ANKRD11: variants seen among roughly 807,000 people sequenced by gnomAD.
ANKRD11 encodes ankyrin repeat domain 11.
Under a neutral mutation model 195.7 loss-of-function variants are expected in ANKRD11, and 17 were observed. The ratio of observed to expected loss-of-function variants is 0.09; its 90% CI spans 0.06 to 0.13. The LOEUF is 0.13. Ranked by LOEUF, ANKRD11 falls within the 10% of genes least tolerant of loss-of-function variation. The probability of loss-of-function intolerance (pLI) is 1.00; values close to 1 mark genes in which losing one functional copy is unlikely to be tolerated. For synonymous variants in ANKRD11, 1,953 were observed against 1,528.1 expected (o/e 1.28, Z -6.49); for missense variants, 3,735 against 3,566.1 (o/e 1.05, Z -1.21).
intron 3 of ANKRD11, among the ~76,000 whole-genome samples, chr16:89,313,930 AAAAC>A (rs553661296): frequency 1.9e-4 from 29 of 152,368 alleles, no homozygotes; most frequent in South Asian, 1.2e-3. Context: ...AGTAGTTGGA[AAAAC>A]AAACAAACAA....
intron 1 of ANKRD11, among the ~76,000 whole-genome samples, chr16:89,425,107 G>GA (rs2042665817): frequency 6.8e-6 from 1 of 146,766 alleles, no homozygotes; most frequent in Admixed American, 6.7e-5. Context: ...GTCCAAAAAA[G>GA]AAAGAGTCCA....
At chr16:89,334,167 A>C (rs1234640764) in intron 2 of ANKRD11, among the ~76,000 whole-genome samples, 7 of 146,326 alleles carry the variant, frequency 4.8e-5, no homozygotes, top group African/African-American at 1.0e-4. Flanking sequence ...AAAAAAAAAA[A>C]AAAAAACAGA....
intron 1 of ANKRD11, among the ~76,000 whole-genome samples, chr16:89,435,121 A>C (rs763073028): frequency 2.0e-4 from 30 of 152,130 alleles, no homozygotes; most frequent in Non-Finnish European, 4.4e-4. Flanking sequence ...ACTCTGTACA[A>C]ATGCATCAAT....
In ANKRD11 at chr16:89,316,920, G is replaced by C. The variant is rs201730053; in HGVS notation, c.87+13C>G. 8 of 1,612,028 alleles carry C rather than the reference G, an allele frequency of 5.0e-6. No homozygotes were observed. The highest frequency in any genetic ancestry group is 4.5e-5 in the East Asian group (2 of 44,834). ...TGCGGTGAGCATGCAGGGCTGGGAG[G>C]GGGCAGCATTACCTTTTTCCCAGTC... On this transcript the variant is annotated intron_variant, in intron 3 of 12. Transcript: ENST00000301030.
At position 89,291,879 on chromosome 16, in the gene ANKRD11, C is replaced by A. The variant is rs1252167298; in HGVS notation, c.227-696G>T. The stretch of plus-strand genomic sequence containing the variant: ...AAGCACACCCTGCACTCATCTGACC[C>A]GTTACAGAACACTCGGCTGGCGTCT... On this transcript the variant is annotated intron_variant, in intron 4 of 12. Transcript: ENST00000301030. This position sits in a 1 kb window ranked among gnomAD's most constrained non-coding sequence, Gnocchi z 5.3. The A allele has an allele frequency of 1.4e-6, 1 of 733,212 alleles. No homozygotes were observed. Among genetic ancestry groups the A allele is most frequent in the Non-Finnish European group, 2.1e-6 (1 of 483,960 alleles). The allele number at this position is 733,212 out of a possible 1,614,324, so 45.4% of individuals were successfully genotyped here.
At chr16:89,297,124 T>G (rs918492172) in intron 4 of ANKRD11, among the ~76,000 whole-genome samples, 1 of 152,212 alleles carries the variant, frequency 6.6e-6, no homozygotes, top group African/African-American at 2.4e-5. Flanking sequence ...CGTGGAGGTG[T>G]GTGGCCTCAG....
chr16:89,464,360 G>A (rs542217018), intron 1 of ANKRD11, among the ~76,000 whole-genome samples: 1 of 151,816 alleles, frequency 6.6e-6, no homozygotes, highest in East Asian at 2.0e-4. Flanking sequence ...TGTAATCCCA[G>A]CACTTTGGGA....
At chr16:89,317,494 C>T (rs2037035541) in intron 2 of ANKRD11, among the ~76,000 whole-genome samples, 2 of 152,190 alleles carry the variant, frequency 1.3e-5, no homozygotes, top group South Asian at 4.1e-4. Context: ...AGTACCCCAG[C>T]CCTCAGGTCT....
At chr16:89,433,002 A>T (rs1338872652) in intron 1 of ANKRD11, among the ~76,000 whole-genome samples, 1 of 150,604 alleles carries the variant, frequency 6.6e-6, no homozygotes, top group Non-Finnish European at 1.5e-5. Context: ...TCTCTCTCAC[A>T]CACACACACA....
intron 2 of ANKRD11, chr16:89,323,953 T>C (rs2037528836): frequency 1.4e-5 from 3 of 221,112 alleles, no homozygotes; most frequent in Non-Finnish European, 2.7e-5. Flanking sequence ...TGAATGTTTG[T>C]GTCGGCCCCT....
At chr16:89,304,026 C>G (rs778595020) in intron 4 of ANKRD11, among the ~76,000 whole-genome samples, 3 of 152,248 alleles carry the variant, frequency 2.0e-5, no homozygotes, top group African/African-American at 4.8e-5. Flanking sequence ...TCACTCCAGG[C>G]TTTGTGGCCA....
At chr16:89,489,446 G>A (rs959198296) in intron 1 of ANKRD11, among the ~76,000 whole-genome samples, 2 of 105,282 alleles carry the variant, frequency 1.9e-5, no homozygotes, top group African/African-American at 3.8e-5. Flanking sequence ...CCACACGGCT[G>A]CCCGCATTCC....
At chr16:89,384,882 T>C (rs1406326916) in intron 2 of ANKRD11, among the ~76,000 whole-genome samples, 1 of 23,258 alleles carries the variant, frequency 4.3e-5, no homozygotes, top group South Asian at 2.4e-3. Flanking sequence ...TAGTTTTCTT[T>C]TTTTTTTTTT....
In ANKRD11 at chr16:89,281,594, T is replaced by C; in HGVS notation, c.4948A>G (p.Lys1650Glu). Residue 1650 changes from lysine to glutamate, a missense_variant, in exon 9 of 13, where the codon AAA (lysine) becomes GAA (glutamate). Physicochemically the swap from Lys to Glu is moderately conservative, Grantham distance 56. Transcript: ENST00000301030. The surrounding 1 kb of genome is among the most constrained non-coding windows in gnomAD (Gnocchi z 5.5). ...KKPPGLDPPFKDKKLKESTPI... is the reference protein window; with the variant it reads ...KKPPGLDPPFEDKKLKESTPI... ...GTCGACTCTTTGAGCTTTTTGTCTT[T>C]AAATGGAGGGTCCAGCCCCGGCGGT... 6.2e-7 allele frequency: 1 copy of C among 1,614,196 alleles called. No homozygotes were observed. Among genetic ancestry groups the C allele is most frequent in the Non-Finnish European group, 8.5e-7 (1 of 1,180,028 alleles).
intron 2 of ANKRD11, 108 bp from the exon 3 acceptor site, chr16:89,317,186 C>G (rs1342688429): frequency 1.2e-6 from 1 of 839,534 alleles, no homozygotes; most frequent in African/African-American, 1.7e-5. Context: ...CAGGCAGCTG[C>G]TCTGATCAGG....
rs1177430872 is a variant in ANKRD11, at chr16:89,279,986, C to T, written c.6556G>A (p.Glu2186Lys). The change falls in exon 9 of 13, where the codon GAG becomes AAG. Residue 2186 changes from glutamate to lysine, a missense_variant. Transcript: ENST00000301030. This position sits in a 1 kb window ranked among gnomAD's most constrained non-coding sequence, Gnocchi z 5.6. ...GGDVSTVVAEEPPALPPDQAS... is the reference protein window; with the variant it reads ...GGDVSTVVAEKPPALPPDQAS... The stretch of plus-strand genomic sequence containing the variant: ...TGGTCAGGAGGCAGTGCCGGCGGCT[C>T]CTCAGCCACTACGGTGGAAACATCC... 1 of 1,611,546 alleles carries T rather than the reference C, an allele frequency of 6.2e-7. No individual in the cohort carries two copies.
intron 1 of ANKRD11, among the ~76,000 whole-genome samples, chr16:89,437,985 G>A (rs2043285874): frequency 6.6e-6 from 1 of 152,172 alleles, no homozygotes; most frequent in Non-Finnish European, 1.5e-5. Flanking sequence ...CAAAATATAA[G>A]ATGAATATAC....
intron 1 of ANKRD11, among the ~76,000 whole-genome samples, chr16:89,457,205 C>A (rs531682553): frequency 6.6e-6 from 1 of 150,894 alleles, no homozygotes; most frequent in South Asian, 2.1e-4. Flanking sequence ...GTGATCCGCC[C>A]GCCTCGGCCT....
At chr16:89,344,143 T>C (rs1816663781) in intron 2 of ANKRD11, among the ~76,000 whole-genome samples, 1 of 152,204 alleles carries the variant, frequency 6.6e-6, no homozygotes, top group South Asian at 2.1e-4. Context: ...GAGTCTGTGC[T>C]CTGGGAGGAG....
Sources: gnomAD v4.1 joint callset for allele counts (sites outside exome capture counted in the v4.1 genomes callset) on GRCh38, gnomAD v4.1.1 for gene constraint, Gnocchi (gnomAD v3.1) non-coding constraint, MANE v1.5 for transcripts, NCBI Gene and HGNC (gene_info 2026-07-23, HGNC 2026-07-21) for gene names.